NAB1: variants seen among roughly 807,000 people sequenced by gnomAD.
NAB1 encodes the protein NGFI-A-binding protein 1.
Under a neutral mutation model 49.9 loss-of-function variants are expected in NAB1, and 25 were observed. The observed-to-expected ratio is 0.50, with a 90% confidence interval of 0.37 to 0.70. NAB1 has a LOEUF of 0.70. NAB1 is among the 30% of genes least tolerant of loss of function. NAB1 has a pLI of 0.00. For missense variants in NAB1, 489 were observed against 575.9 expected, an observed-to-expected ratio of 0.85 and a Z score of 1.54; for synonymous variants, 198 against 215.6, an observed-to-expected ratio of 0.92 and a Z score of 0.71.
rs1192557900 is a variant in NAB1 at position 190,652,898 on chromosome 2, A to G, written c.-197+2916A>G. 6.6e-6 allele frequency among the ~76,000 whole-genome samples: 1 copy of G among 152,232 alleles called. No individual in the cohort carries two copies. Among genetic ancestry groups the G allele is most frequent in the East Asian group, 1.9e-4 (1 of 5,194 alleles). ...AATAAAAGCGAAAATAATTAATTGCATAGAGCAAGCTTGTCCAACCCGAGG... is the reference window on the plus strand; with the variant it reads ...AATAAAAGCGAAAATAATTAATTGCGTAGAGCAAGCTTGTCCAACCCGAGG... On this transcript the variant is annotated intron_variant, in intron 2 of 9. Transcript: ENST00000337386. The surrounding 1 kb of genome is among the most constrained non-coding windows in gnomAD (Gnocchi z 4.2).
At chr2:190,656,580 G>A (rs1693931733) in intron 3 of NAB1, among the ~76,000 whole-genome samples, 1 of 152,100 alleles carries the variant, frequency 6.6e-6, no homozygotes, top group African/African-American at 2.4e-5. Context: ...AGTCTTTATG[G>A]AGATATTATA....
At position 190,652,372 on chromosome 2, in the gene NAB1, A is replaced by C. The variant is rs1693711331; in HGVS notation, c.-197+2390A>C. On this transcript the variant is annotated intron_variant, in intron 2 of 9. Coordinates refer to ENST00000337386, the MANE Select transcript of NAB1 (RefSeq NM_005966.4). This position sits in a 1 kb window ranked among gnomAD's most constrained non-coding sequence, Gnocchi z 4.2. The stretch of plus-strand genomic sequence containing the variant: ...TACTTAATGTTTGTTGAATGACTTG[A>C]TGGTTGGTTGGTTAAGAATTTCCAG... Among the ~76,000 whole-genome samples the C allele has an allele frequency of 6.6e-6, 1 of 152,172 alleles. No individual in the cohort carries two copies.
At chr2:190,653,511 C>T (rs1008955186) in intron 2 of NAB1, among the ~76,000 whole-genome samples, 2 of 152,110 alleles carry the variant, frequency 1.3e-5, no homozygotes, top group Non-Finnish European at 2.9e-5. Context: ...ATAAATAAGT[C>T]AGGCCTTACT....
At chr2:190,673,524 C>T (rs564223603) in intron 6 of NAB1, among the ~76,000 whole-genome samples, 8 of 152,200 alleles carry the variant, frequency 5.3e-5, no homozygotes, top group African/African-American at 1.9e-4. Flanking sequence ...TAAAAGAAAA[C>T]TGTGGTGACT....
rs376760773 is a variant in NAB1, at chr2:190,679,928, T to C, written c.1006-3810T>C. Among the ~76,000 whole-genome samples the C allele has an allele frequency of 6.6e-6, 1 of 152,310 alleles. No individual in the cohort carries two copies. Among genetic ancestry groups the C allele is most frequent in the South Asian group, 2.1e-4 (1 of 4,824 alleles). ...TCACTGCCCCTGCTTACCTGGCTTA[T>C]CTACACACGGAGGTCTCACTAGCAA... On this transcript the variant is annotated intron_variant, in intron 6 of 9. Transcript: ENST00000337386. The surrounding 1 kb of genome is among the most constrained non-coding windows in gnomAD (Gnocchi z 5.3).
At position 190,690,471 on chromosome 2, in the gene NAB1, G is replaced by A. The variant is rs1278190603; in HGVS notation, c.*138G>A. ...ATAGCCAAAGCAAAAGGACTGGTAC[G>A]GTAGTCTGTGGAAACCAGGAAGATA... is the stretch of plus-strand genomic sequence containing the variant. On this transcript the variant is annotated 3_prime_UTR_variant, in exon 10 of 10. Transcript: ENST00000337386. 8.9e-5 allele frequency: 55 copies of A among 614,850 alleles called. No individual in the cohort carries two copies. The East Asian group carries it at 1.3e-3, about 15-fold the overall frequency. The allele number at this position is 614,850 out of a possible 1,614,324, so 38.1% of individuals were successfully genotyped here. A position where few individuals can be genotyped will look rare whatever the true frequency, so the allele number is the denominator to read the frequency against.
At chr2:190,655,944 C>T (rs1693897727) in intron 2 of NAB1, 33 bp from the exon 3 acceptor site, 1 of 152,236 alleles carries the variant, frequency 6.6e-6, no homozygotes, top group South Asian at 2.1e-4. Context: ...TTTAATTCCT[C>T]TTCCCCTAAC....
intron 4 of NAB1, among the ~76,000 whole-genome samples, chr2:190,662,655 A>G (rs376484252): frequency 5.3e-5 from 8 of 152,204 alleles, no homozygotes; most frequent in African/African-American, 1.9e-4. Context: ...AAATCAGTGA[A>G]TGGATGAGGA....
At chr2:190,650,720 G>C (rs566501752) in intron 2 of NAB1, among the ~76,000 whole-genome samples, 3 of 152,282 alleles carry the variant, frequency 2.0e-5, no homozygotes, top group African/African-American at 7.2e-5. Flanking sequence ...GCCAGTAAAA[G>C]TGGCTCTTAG....
In NAB1 at chr2:190,685,350, C is replaced by A; in HGVS notation, c.1096-126C>A. On this transcript the variant is annotated intron_variant, in intron 7 of 9. Coordinates refer to ENST00000337386, the MANE Select transcript of NAB1 (RefSeq NM_005966.4). The surrounding 1 kb of genome is among the most constrained non-coding windows in gnomAD (Gnocchi z 4.5). Reference sequence around the variant, plus strand: ...GCATATTTATGGAATTTGTATACCACATGAAGTGTGAACTAATTTTAATGA... The same window carrying A: ...GCATATTTATGGAATTTGTATACCAAATGAAGTGTGAACTAATTTTAATGA... The A allele has an allele frequency of 1.2e-6, 1 of 801,004 alleles. No individual in the cohort carries two copies. Among genetic ancestry groups the A allele is most frequent in the Non-Finnish European group, 1.9e-6 (1 of 518,314 alleles). 49.6% of individuals were successfully genotyped at this position (801,004 alleles called of 1,614,324 possible). A position where few individuals can be genotyped will look rare whatever the true frequency, so the allele number is the denominator to read the frequency against.
chr2:190,689,100 A>C lies in NAB1; in HGVS notation c.1376-1145A>C, dbSNP rs1695786590. Among the ~76,000 whole-genome samples the C allele has an allele frequency of 6.6e-6, 1 of 152,150 alleles. No individual in the cohort carries two copies. Among genetic ancestry groups the C allele is most frequent in the Non-Finnish European group, 1.5e-5 (1 of 68,036 alleles). On this transcript the variant is annotated intron_variant, in intron 9 of 9. Transcript: ENST00000337386. This position sits in a 1 kb window ranked among gnomAD's most constrained non-coding sequence, Gnocchi z 4.3. ...CTCGGCCCCACAAAGTGCTGGGATT[A>C]CAGGTGTGAGCCACTGTGCCCGGCC...
At position 190,680,580 on chromosome 2, in the gene NAB1, A is replaced by G. The variant is rs2125821219; in HGVS notation, c.1006-3158A>G. ...TTGACGTTGTATTCCCATATTGAGT[A>G]CAGTGTATGAATCAGCTGGGTGGAT... On this transcript the variant is annotated intron_variant, in intron 6 of 9. Transcript: ENST00000337386. This position sits in a 1 kb window ranked among gnomAD's most constrained non-coding sequence, Gnocchi z 5.2. Among the ~76,000 whole-genome samples, 1 of 152,302 alleles carries G rather than the reference A, an allele frequency of 6.6e-6. No individual in the cohort carries two copies. Among genetic ancestry groups the G allele is most frequent in the African/African-American group, 2.4e-5 (1 of 41,566 alleles).
rs1199262721 is a variant in NAB1, at chr2:190,663,941, T to G, written c.819+3946T>G. On this transcript the variant is annotated intron_variant, in intron 4 of 9. Coordinates refer to ENST00000337386, the MANE Select transcript of NAB1 (RefSeq NM_005966.4). This position sits in a 1 kb window ranked among gnomAD's most constrained non-coding sequence, Gnocchi z 4.2. ...CTTATTTTTCCTAATGATTTCTGAC[T>G]TAATTACATTGAGGGCAAGAGAACA... Among the ~76,000 whole-genome samples, 1 of 152,212 alleles carries G rather than the reference T, an allele frequency of 6.6e-6. No individual in the cohort carries two copies. Among genetic ancestry groups the G allele is most frequent in the Non-Finnish European group, 1.5e-5 (1 of 68,036 alleles).
At chr2:190,661,190 C>G (rs1458132027) in intron 4 of NAB1, among the ~76,000 whole-genome samples, 1 of 152,160 alleles carries the variant, frequency 6.6e-6, no homozygotes, top group Non-Finnish European at 1.5e-5. Flanking sequence ...CTTGTCCTCC[C>G]AAAGTGCTGG....
chr2:190,658,873 A>G (rs955158456), intron 3 of NAB1, among the ~76,000 whole-genome samples: 1 of 152,252 alleles, frequency 6.6e-6, no homozygotes, highest in Non-Finnish European at 1.5e-5. Context: ...TATATAGCCA[A>G]AAATACGGGA....
chr2:190,689,659 C>T lies in NAB1; in HGVS notation c.1376-586C>T, dbSNP rs1695817408. Among the ~76,000 whole-genome samples, 1 of 152,094 alleles carries T rather than the reference C, an allele frequency of 6.6e-6. No individual in the cohort carries two copies. Among genetic ancestry groups the T allele is most frequent in the African/African-American group, 2.4e-5 (1 of 41,402 alleles). ...CATAGAACTCCATGGAATGATTTCT[C>T]ATGAAAATAGTGTTCATTATTTTAT... On this transcript the variant is annotated intron_variant, in intron 9 of 9. Transcript: ENST00000337386. The surrounding 1 kb of genome is among the most constrained non-coding windows in gnomAD (Gnocchi z 4.3).
rs372730738 is a variant in NAB1 at position 190,657,667 on chromosome 2, A to C, written c.-19-1491A>C. On this transcript the variant is annotated intron_variant, in intron 3 of 9. Coordinates refer to ENST00000337386, the MANE Select transcript of NAB1 (RefSeq NM_005966.4). This position sits in a 1 kb window ranked among gnomAD's most constrained non-coding sequence, Gnocchi z 4.4. Reference sequence around the variant, plus strand: ...AAGTCAAAACAGATGTGGATGACACAGAGGTTCCAGGAGATGGGACTTCCG... The same window carrying C: ...AAGTCAAAACAGATGTGGATGACACCGAGGTTCCAGGAGATGGGACTTCCG... Among the ~76,000 whole-genome samples, 2 of 152,240 alleles carry C rather than the reference A, an allele frequency of 1.3e-5. No individual in the cohort carries two copies. The highest frequency in any genetic ancestry group is 4.1e-4 in the South Asian group (2 of 4,828).
intron 2 of NAB1, among the ~76,000 whole-genome samples, chr2:190,650,659 A>G (rs1693615771): frequency 1.3e-5 from 2 of 152,140 alleles, no homozygotes; most frequent in Non-Finnish European, 2.9e-5. Context: ...TTGGGTGGAG[A>G]TTGAGCTTTT....
chr2:190,683,466 C>T (rs897581132), intron 6 of NAB1, among the ~76,000 whole-genome samples: 5 of 151,668 alleles, frequency 3.3e-5, no homozygotes, highest in East Asian at 1.9e-4. Flanking sequence ...GTTATATAAC[C>T]GTTATTATCA....
Sources: allele counts gnomAD v4.1 joint callset (sites outside exome capture counted in the v4.1 genomes callset), GRCh38; gene constraint gnomAD v4.1.1; non-coding constraint Gnocchi (gnomAD v3.1); transcripts MANE v1.5; gene names NCBI Gene and HGNC (gene_info 2026-07-23, HGNC 2026-07-21).